ALPK3: variants seen among roughly 807,000 people sequenced by gnomAD.
ALPK3 encodes the protein alpha kinase 3, also known as alpha-protein kinase 3.
A neutral mutation model predicts 140.0 loss-of-function variants in ALPK3; 102 were observed. The observed-to-expected ratio is 0.73, with a 90% CI of 0.62 to 0.86. The LOEUF is 0.86. Among genes scored for constraint, ALPK3 ranks in the 40% least tolerant of loss-of-function variants. The pLI, the probability that ALPK3 is intolerant of heterozygous loss-of-function variation, is 0.00. For synonymous variants in ALPK3, 938 were observed against 898.5 expected (o/e 1.04, Z -0.79); for missense variants, 2,254 against 2,208.2 (o/e 1.02, Z -0.42).
chr15:84,857,945 C>T lies in ALPK3; in HGVS notation c.3207C>T (p.Leu1069=), dbSNP rs1336705405. ...CCTGGGGTCCTGGTCCCAGCTCCCTCACTGTCCCTGCCATTGTGGTAGACG... is the reference window on the plus strand; with the variant it reads ...CCTGGGGTCCTGGTCCCAGCTCCCTTACTGTCCCTGCCATTGTGGTAGACG... ...RGSWGPGPSS[L]TVPAIVVDEE... The change falls in exon 6 of 14, where the codon CTC becomes CTT. Residue 1069 remains leucine (L), a synonymous_variant. Coordinates refer to ENST00000258888, the MANE Select transcript of ALPK3 (RefSeq NM_020778.5). 1 of 1,609,176 alleles carries T rather than the reference C, an allele frequency of 6.2e-7. No individual in the cohort carries two copies. The highest frequency in any genetic ancestry group is 1.3e-5 in the African/African-American group (1 of 74,888).
intron 5 of ALPK3, among the ~76,000 whole-genome samples, chr15:84,849,326 T>G (rs1317430063): frequency 6.6e-6 from 1 of 152,172 alleles, no homozygotes; most frequent in Non-Finnish European, 1.5e-5. Flanking sequence ...TTGGAGACTT[T>G]AACACTCCTC....
At position 84,857,214 on chromosome 15, in the gene ALPK3, C is replaced by G; in HGVS notation, c.2476C>G (p.Pro826Ala). 6.2e-7 allele frequency: 1 copy of G among 1,613,974 alleles called. No individual in the cohort carries two copies. The highest frequency in any genetic ancestry group is 8.5e-7 in the Non-Finnish European group (1 of 1,179,942). ...ATGCCGAGGGCCACAGTCATCAGGCCCAGTCGAGGCCAAGCAGGAGGACAG... is the reference window on the plus strand; with the variant it reads ...ATGCCGAGGGCCACAGTCATCAGGCGCAGTCGAGGCCAAGCAGGAGGACAG... The part of the protein sequence containing the change: ...ERCRGPQSSG[P>A]VEAKQEDSPF... The change falls in exon 6 of 14, where the codon CCA becomes GCA. Residue 826 changes from proline (P) to alanine (A), a missense_variant. By Grantham distance (27) the Pro-to-Ala change is conservative. Coordinates refer to ENST00000258888, the MANE Select transcript of ALPK3 (RefSeq NM_020778.5).
intron 3 of ALPK3, among the ~76,000 whole-genome samples, chr15:84,829,102 A>C (rs1963518780): frequency 6.6e-6 from 1 of 152,098 alleles, no homozygotes. Context: ...ACAGCAGTTC[A>C]CCCCTCTCAA....
intron 5 of ALPK3, among the ~76,000 whole-genome samples, chr15:84,855,623 G>A (rs1028532467): frequency 2.6e-5 from 4 of 152,162 alleles, no homozygotes; most frequent in African/African-American, 4.8e-5. Context: ...AGATACACCC[G>A]GCTGCGAATC....
At chr15:84,839,434 T>C (rs936558364) in intron 4 of ALPK3, among the ~76,000 whole-genome samples, 1 of 152,226 alleles carries the variant, frequency 6.6e-6, no homozygotes. Flanking sequence ...GGTCACCTGC[T>C]TCTGAAGGGA....
chr15:84,840,325 C>T lies in ALPK3; in HGVS notation c.1046C>T (p.Ser349Leu). 1 of 1,614,048 alleles carries T rather than the reference C, an allele frequency of 6.2e-7. No homozygotes were observed. The highest frequency in any genetic ancestry group is 8.5e-7 in the Non-Finnish European group (1 of 1,179,996). Residue 349 changes from serine to leucine, a missense_variant, in exon 5 of 14, where the codon TCA becomes TTA. Ser to Leu is a moderately radical substitution (Grantham distance 145). Coordinates refer to ENST00000258888, the MANE Select transcript of ALPK3 (RefSeq NM_020778.5). Reference protein sequence around the residue: ...RRSSENCIPSSDEPDSCGTQG... With the variant: ...RRSSENCIPSLDEPDSCGTQG... ...TCTTCAGAAAACTGCATCCCCAGCT[C>T]AGACGAGCCTGACTCCTGTGGGACT...
chr15:84,864,102 G>A (rs2141573719), intron 11 of ALPK3, among the ~76,000 whole-genome samples: 1 of 152,290 alleles, frequency 6.6e-6, no homozygotes, highest in East Asian at 1.9e-4. Flanking sequence ...CTGGCAGAGA[G>A]CCACAATCTG....
intron 1 of ALPK3, among the ~76,000 whole-genome samples, chr15:84,820,015 C>T (rs988098062): frequency 6.6e-6 from 1 of 152,218 alleles, no homozygotes; most frequent in African/African-American, 2.4e-5. Flanking sequence ...TGCAGATAGT[C>T]CCACCAAACT....
chr15:84,861,363 T>C (rs1018857579), intron 9 of ALPK3, among the ~76,000 whole-genome samples: 2 of 147,934 alleles, frequency 1.4e-5, no homozygotes, highest in African/African-American at 2.5e-5. Flanking sequence ...TCAGGTGTGA[T>C]TTTTTTTTTT....
At chr15:84,866,646 T>A (rs931254677) in intron 12 of ALPK3, among the ~76,000 whole-genome samples, 2 of 152,244 alleles carry the variant, frequency 1.3e-5, no homozygotes, top group Non-Finnish European at 2.9e-5. Flanking sequence ...TTTGCCTGGC[T>A]CTGCCCTTCC....
intron 5 of ALPK3, among the ~76,000 whole-genome samples, chr15:84,846,815 G>T (rs554881886): frequency 6.6e-6 from 1 of 152,078 alleles, no homozygotes; most frequent in Non-Finnish European, 1.5e-5. Flanking sequence ...TGCCTGGCAC[G>T]CTGCAGTGGC....
At chr15:84,841,561 T>C (rs1963668013) in intron 5 of ALPK3, among the ~76,000 whole-genome samples, 1 of 152,170 alleles carries the variant, frequency 6.6e-6, no homozygotes, top group African/African-American at 2.4e-5. Context: ...TAAGTGGCAG[T>C]TGGGATCAGA....
Position 84,862,870 on chromosome 15 carries a change from C to G in ALPK3, c.4365C>G (p.Ser1455Arg), listed in dbSNP as rs1018928368. 2 of 1,614,024 alleles carry G rather than the reference C, an allele frequency of 1.2e-6. No individual in the cohort carries two copies. Among genetic ancestry groups the G allele is most frequent in the African/African-American group, 2.7e-5 (2 of 74,908 alleles). The stretch of plus-strand genomic sequence containing the variant: ...CCAGCCTGCTTGTGTTTGGGCCCAG[C>G]AGTGAGACTTCTCTTGTGGGCAGAA... ...KVSSLLVFGPSSETSLVGRNY... is the reference protein window; with the variant it reads ...KVSSLLVFGPRSETSLVGRNY... The change falls in exon 10 of 14, where the codon AGC (serine) becomes AGG (arginine). Residue 1455 changes from serine to arginine, a missense_variant. By Grantham distance (110) the Ser-to-Arg change is moderately radical. This residue lies in a region of ALPK3 where 2,088 missense variants were observed against 2,022.9 expected (regional missense o/e 1.03). Transcript: ENST00000258888.
intron 3 of ALPK3, among the ~76,000 whole-genome samples, chr15:84,829,673 C>T (rs548116845): frequency 5.3e-5 from 8 of 152,174 alleles, no homozygotes; most frequent in South Asian, 2.1e-4. Flanking sequence ...ACTACAGGCG[C>T]GTGCCACCAC....
rs139907293 is a variant in ALPK3 at position 84,862,903 on chromosome 15, C to T, written c.4398C>T (p.Asp1466=). ...SETSLVGRNY[D]VTIQGCKIQN... is the part of the protein sequence containing the mutation. ...CTTCTCTTGTGGGCAGAAACTACGACGTCACCATCCAGGTACTATGTCCCA... is the reference window on the plus strand; with the variant it reads ...CTTCTCTTGTGGGCAGAAACTACGATGTCACCATCCAGGTACTATGTCCCA... Residue 1466 remains aspartate (D), a synonymous_variant, in exon 10 of 14, where the codon GAC becomes GAT. Transcript: ENST00000258888. The T allele has an allele frequency of 4.4e-5, 71 of 1,613,584 alleles. 1 individual carries two copies. The Middle Eastern group carries it at 1.5e-3, about 34-fold the overall frequency.
chr15:84,850,915 C>CACACACACACACA (rs1567092270), intron 5 of ALPK3, among the ~76,000 whole-genome samples: 5 of 149,962 alleles, frequency 3.3e-5, no homozygotes, highest in South Asian at 4.2e-4. Flanking sequence ...CACACACACA[C>CACACACACACACA]CCTCTGTCAT....
At position 84,858,401 on chromosome 15, in the gene ALPK3, G is replaced by A. The variant is rs373560347; in HGVS notation, c.3663G>A (p.Ala1221=). Residue 1221 remains alanine (A), a synonymous_variant, in exon 6 of 14, where the codon GCG becomes GCA. Transcript: ENST00000258888. ...GCTCCCCTACGCAGGGCAGAAAGGC[G>A]AGCATGCTGGAGGTGCCTCGGGCAG... ...ERRSPTQGRK[A]SMLEVPRAEE... 8.5e-5 allele frequency: 133 copies of A among 1,555,848 alleles called. 2 individuals are homozygous for A. In the South Asian group the frequency reaches 1.1e-3, roughly 13 times the overall value.
In ALPK3 at chr15:84,868,873, C is replaced by T. The variant is rs1964035253; in HGVS notation, c.*417C>T. ...GGACATGCAGGCCAACTTTTACCCT[C>T]CTGCATTTGCCTGGCCCTGATCTCG... On this transcript the variant is annotated 3_prime_UTR_variant, in exon 14 of 14. Transcript: ENST00000258888. The T allele has an allele frequency of 5.1e-6, 1 of 194,400 alleles. No individual in the cohort carries two copies. Among genetic ancestry groups the T allele is most frequent in the Non-Finnish European group, 1.1e-5 (1 of 92,748 alleles). 12.0% of individuals were successfully genotyped at this position (194,400 alleles called of 1,614,324 possible). A position where few individuals can be genotyped will look rare whatever the true frequency, so the allele number is the denominator to read the frequency against.
intron 12 of ALPK3, 82 bp downstream of exon 12, chr15:84,864,747 T>C: frequency 7.2e-7 from 1 of 1,396,752 alleles, no homozygotes; most frequent in Non-Finnish European, 9.9e-7. Flanking sequence ...AGTGCTTGGC[T>C]GATCGTTTAC....
Sources: gnomAD v4.1 joint callset for allele counts (sites outside exome capture counted in the v4.1 genomes callset) on GRCh38, gnomAD v4.1.1 for gene constraint, gnomAD v4.1.1 regional missense constraint, MANE v1.5 for transcripts, NCBI Gene and HGNC (gene_info 2026-07-23, HGNC 2026-07-21) for gene names.